LRMDA: variants seen among roughly 807,000 people sequenced by gnomAD.
LRMDA encodes the protein leucine-rich melanocyte differentiation-associated protein.
In LRMDA, 18 loss-of-function variants were observed where a neutral mutation model predicts 29.8. That is an observed-to-expected ratio of 0.60 (90% CI 0.42 to 0.90). LRMDA has a LOEUF of 0.90. Among genes scored for constraint, LRMDA ranks in the 40% least tolerant of loss-of-function variants. The pLI is 0.00. For synonymous variants in LRMDA, 125 were observed against 109.4 expected, an observed-to-expected ratio of 1.14 and a Z score of -0.89; for missense variants, 273 against 273.9, an observed-to-expected ratio of 1.00 and a Z score of 0.02.
intron 2 of LRMDA, among the ~76,000 whole-genome samples, chr10:76,014,130 A>ATATATATATAAT (rs1554840726): frequency 2.1e-4 from 29 of 136,670 alleles, no homozygotes; most frequent in African/African-American, 8.1e-4. Flanking sequence ...ATATAATTAT[A>ATATATATATAAT]TATATATATA....
intron 6 of LRMDA, among the ~76,000 whole-genome samples, chr10:76,483,790 G>T (rs1842755898): frequency 6.6e-6 from 1 of 150,704 alleles, no homozygotes; most frequent in Non-Finnish European, 1.5e-5. Context: ...CCATATTTAG[G>T]TCTAGAGTTA....
intron 2 of LRMDA, among the ~76,000 whole-genome samples, chr10:75,912,601 A>C (rs11001546): frequency 0.11 from 16,467 of 152,112 alleles, 1,011 homozygotes; most frequent in East Asian, 0.25. Context: ...AGGGTACATT[A>C]GGGTGGGATA....
intron 6 of LRMDA, among the ~76,000 whole-genome samples, chr10:76,478,450 G>A (rs909562680): frequency 2.0e-5 from 3 of 152,140 alleles, no homozygotes; most frequent in African/African-American, 7.2e-5. Context: ...CTGTTGATGG[G>A]ACTGTAAACT....
chr10:76,453,110 G>A (rs1842423327), intron 6 of LRMDA, among the ~76,000 whole-genome samples: 1 of 152,126 alleles, frequency 6.6e-6, no homozygotes, highest in African/African-American at 2.4e-5. Flanking sequence ...TATTTCTAAA[G>A]CACAGTTAAA....
intron 5 of LRMDA, among the ~76,000 whole-genome samples, chr10:76,116,720 C>T (rs952642326): frequency 6.6e-6 from 1 of 152,140 alleles, no homozygotes; most frequent in African/African-American, 2.4e-5. Flanking sequence ...ACTATGCTCT[C>T]AAGGCAGCCG....
intron 2 of LRMDA, among the ~76,000 whole-genome samples, chr10:75,844,736 A>G (rs191985672): frequency 3.7e-4 from 56 of 152,378 alleles, no homozygotes; most frequent in African/African-American, 9.9e-4. Flanking sequence ...ACTAGGTAAC[A>G]AATAGCGTCT....
At chr10:75,744,219 A>T (rs898738708) in intron 2 of LRMDA, among the ~76,000 whole-genome samples, 1 of 152,236 alleles carries the variant, frequency 6.6e-6, no homozygotes, top group Non-Finnish European at 1.5e-5. Flanking sequence ...GCAGGTGGAC[A>T]TAATTTAACA....
At position 75,431,673 on chromosome 10, in the gene LRMDA, T is replaced by TGCCGCCGC. The variant is rs906032617; in HGVS notation, c.-48_-41dup. 21 of 1,257,124 alleles carry TGCCGCCGC rather than the reference T, an allele frequency of 1.7e-5. No homozygotes were observed. The African/African-American group carries it at 1.7e-4, about 10-fold the overall frequency. 77.9% of individuals were successfully genotyped at this position (1,257,124 alleles called of 1,614,324 possible). A position where few individuals can be genotyped will look rare whatever the true frequency, so the allele number is the denominator to read the frequency against. Reference sequence around the variant, plus strand: ...GCTCCCCTGCCGCGCTCCCCGCTGCTGCCGCCGCGCCCCCGCGCTCCGTCC... The same window carrying TGCCGCCGC: ...GCTCCCCTGCCGCGCTCCCCGCTGCTGCCGCCGCGCCGCCGCGCCCCCGCGCTCCGTCC... On this transcript the variant is annotated 5_prime_UTR_variant, in exon 1 of 7. Transcript: ENST00000611255.
At chr10:76,228,674 G>T (rs961538535) in intron 5 of LRMDA, among the ~76,000 whole-genome samples, 1 of 152,224 alleles carries the variant, frequency 6.6e-6, no homozygotes, top group African/African-American at 2.4e-5. Flanking sequence ...TGTCAGACAT[G>T]CAAAAAACCT....
intron 6 of LRMDA, among the ~76,000 whole-genome samples, chr10:76,463,605 A>G (rs972189334): frequency 6.6e-6 from 1 of 152,186 alleles, no homozygotes; most frequent in Non-Finnish European, 1.5e-5. Context: ...AATGTGCCTA[A>G]GAGACCCAGT....
At chr10:76,042,735 T>C (rs1848362059) in intron 3 of LRMDA, among the ~76,000 whole-genome samples, 1 of 152,186 alleles carries the variant, frequency 6.6e-6, no homozygotes, top group Non-Finnish European at 1.5e-5. Flanking sequence ...AATTTTGTAA[T>C]TTTTTTCTAG....
At chr10:75,508,837 A>C (rs1845195552) in intron 2 of LRMDA, among the ~76,000 whole-genome samples, 2 of 152,164 alleles carry the variant, frequency 1.3e-5, no homozygotes, top group African/African-American at 4.8e-5. Context: ...AAACATTAAG[A>C]ATTTATGACT....
intron 2 of LRMDA, among the ~76,000 whole-genome samples, chr10:75,798,590 A>C (rs1270179446): frequency 6.6e-6 from 1 of 152,096 alleles, no homozygotes; most frequent in Non-Finnish European, 1.5e-5. Context: ...TTCTAATATA[A>C]GCATTTAAAG....
intron 2 of LRMDA, among the ~76,000 whole-genome samples, chr10:75,512,076 A>G (rs1460485906): frequency 2.0e-5 from 3 of 151,492 alleles, no homozygotes; most frequent in Non-Finnish European, 2.9e-5. Context: ...CAATAAAACT[A>G]CTAGCACCAC....
At chr10:76,087,568 A>T (rs1274900768) in intron 5 of LRMDA, among the ~76,000 whole-genome samples, 1 of 152,112 alleles carries the variant, frequency 6.6e-6, no homozygotes, top group Non-Finnish European at 1.5e-5. Flanking sequence ...CCAGGTCCTC[A>T]GTGTAGCTGT....
chr10:76,263,962 T>C (rs1564704407), intron 5 of LRMDA, among the ~76,000 whole-genome samples: 1 of 152,164 alleles, frequency 6.6e-6, no homozygotes, highest in Non-Finnish European at 1.5e-5. Context: ...CATTCGTAGG[T>C]AATCTTGCAA....
intron 2 of LRMDA, among the ~76,000 whole-genome samples, chr10:75,925,854 T>C (rs1378396329): frequency 1.3e-5 from 2 of 152,090 alleles, no homozygotes; most frequent in Non-Finnish European, 2.9e-5. Context: ...GTTTTCACCA[T>C]GTTGGCCAGG....
intron 2 of LRMDA, among the ~76,000 whole-genome samples, chr10:75,526,960 A>G (rs374499135): frequency 6.6e-6 from 1 of 152,228 alleles, no homozygotes; most frequent in Admixed American, 6.5e-5. Context: ...TGCAACCACC[A>G]CCTCCATCTA....
intron 2 of LRMDA, among the ~76,000 whole-genome samples, chr10:75,792,913 G>C (rs554475876): frequency 6.6e-6 from 1 of 152,354 alleles, no homozygotes; most frequent in South Asian, 2.1e-4. Flanking sequence ...GTGAAGTCCT[G>C]TGACTTGGTA....
Sources: gnomAD v4.1 joint callset for allele counts (sites outside exome capture counted in the v4.1 genomes callset) on GRCh38, gnomAD v4.1.1 for gene constraint, MANE v1.5 for transcripts, NCBI Gene and HGNC (gene_info 2026-07-23, HGNC 2026-07-21) for gene names.